KCTD8: variants seen among roughly 807,000 people sequenced by gnomAD.
The protein encoded by KCTD8 is potassium channel tetramerization domain containing 8.
Under a neutral mutation model 31.5 loss-of-function variants are expected in KCTD8, and 27 were observed. The observed-to-expected ratio is 0.86, with a 90% CI of 0.63 to 1.18. KCTD8 has a LOEUF of 1.18. Among genes scored for constraint, KCTD8 ranks in the 50% most tolerant of loss-of-function variants. The pLI is 0.00. For missense variants in KCTD8, 658 were observed against 647.7 expected (o/e 1.02, Z -0.17); for synonymous variants, 290 against 280.0 (o/e 1.04, Z -0.36).
chr4:44,217,894 C>T (rs1714694588), intron 1 of KCTD8, among the ~76,000 whole-genome samples: 2 of 152,034 alleles, frequency 1.3e-5, no homozygotes, highest in African/African-American at 2.4e-5. Context: ...GGCTTTTGGA[C>T]TCATTATGAG....
At chr4:44,327,836 A>G (rs1043688767) in intron 1 of KCTD8, among the ~76,000 whole-genome samples, 1 of 151,828 alleles carries the variant, frequency 6.6e-6, no homozygotes, top group Non-Finnish European at 1.5e-5. Flanking sequence ...GTGAAAGTTT[A>G]ATCTATCATT....
chr4:44,285,407 G>A (rs546379634), intron 1 of KCTD8, among the ~76,000 whole-genome samples: 36 of 152,164 alleles, frequency 2.4e-4, no homozygotes, highest in African/African-American at 8.4e-4. Flanking sequence ...TCACTCATAA[G>A]TGGGAGTCGA....
chr4:44,412,383 C>CT (rs1457703332), intron 1 of KCTD8, among the ~76,000 whole-genome samples: 1 of 152,162 alleles, frequency 6.6e-6, no homozygotes, highest in African/African-American at 2.4e-5. Flanking sequence ...TTTGTTGACT[C>CT]TTTGAGTTAT....
At chr4:44,206,758 G>A (rs1021141519) in intron 1 of KCTD8, among the ~76,000 whole-genome samples, 2 of 152,038 alleles carry the variant, frequency 1.3e-5, no homozygotes, top group Non-Finnish European at 2.9e-5. Context: ...GTTTTGACTT[G>A]GGCTTAACCA....
chr4:44,190,149 A>C (rs1005315037), intron 1 of KCTD8, among the ~76,000 whole-genome samples: 1 of 152,196 alleles, frequency 6.6e-6, no homozygotes, highest in African/African-American at 2.4e-5. Flanking sequence ...GCAACATTGC[A>C]CTGAAACATA....
At chr4:44,294,775 T>C (rs1717381665) in intron 1 of KCTD8, among the ~76,000 whole-genome samples, 1 of 152,168 alleles carries the variant, frequency 6.6e-6, no homozygotes, top group Non-Finnish European at 1.5e-5. Context: ...TAAGTGAATA[T>C]TATGCAGAGC....
At chr4:44,397,048 C>G (rs1429007460) in intron 1 of KCTD8, among the ~76,000 whole-genome samples, 1 of 152,106 alleles carries the variant, frequency 6.6e-6, no homozygotes, top group South Asian at 2.1e-4. Context: ...CTGGCTCCAT[C>G]TGGACCCTTT....
At chr4:44,376,482 T>C (rs1719919743) in intron 1 of KCTD8, among the ~76,000 whole-genome samples, 1 of 152,192 alleles carries the variant, frequency 6.6e-6, no homozygotes, top group Non-Finnish European at 1.5e-5. Context: ...GAACTTCATT[T>C]ATAAAGTTTA....
At chr4:44,185,831 T>C (rs908564086) in intron 1 of KCTD8, among the ~76,000 whole-genome samples, 1 of 152,050 alleles carries the variant, frequency 6.6e-6, no homozygotes, top group African/African-American at 2.4e-5. Flanking sequence ...AATGGTTATT[T>C]CTGTACTCAG....
intron 1 of KCTD8, among the ~76,000 whole-genome samples, chr4:44,268,501 T>G (rs1202756716): frequency 1.3e-5 from 2 of 152,150 alleles, no homozygotes; most frequent in Non-Finnish European, 2.9e-5. Flanking sequence ...GGATGCCCTC[T>G]CTCACCACTC....
At chr4:44,321,540 T>C (rs910129953) in intron 1 of KCTD8, among the ~76,000 whole-genome samples, 1 of 152,192 alleles carries the variant, frequency 6.6e-6, no homozygotes, top group Non-Finnish European at 1.5e-5. Flanking sequence ...ATGTATACAA[T>C]GTATAATAAT....
chr4:44,390,676 T>G (rs1023485692), intron 1 of KCTD8, among the ~76,000 whole-genome samples: 2 of 151,768 alleles, frequency 1.3e-5, no homozygotes, highest in Non-Finnish European at 2.9e-5. Context: ...CTGCGAAGCA[T>G]AACGCGATAC....
At chr4:44,242,553 G>A (rs1434631378) in intron 1 of KCTD8, among the ~76,000 whole-genome samples, 3 of 152,028 alleles carry the variant, frequency 2.0e-5, no homozygotes, top group Non-Finnish European at 4.4e-5. Context: ...AGTCTGGACT[G>A]GGCGAAAGGG....
chr4:44,280,783 T>C (rs868497678), intron 1 of KCTD8, among the ~76,000 whole-genome samples: 1 of 152,082 alleles, frequency 6.6e-6, no homozygotes, highest in Admixed American at 6.6e-5. Context: ...TGCAACCCAC[T>C]ATTGAGATGG....
At chr4:44,371,641 A>T (rs1719789459) in intron 1 of KCTD8, among the ~76,000 whole-genome samples, 1 of 152,240 alleles carries the variant, frequency 6.6e-6, no homozygotes, top group African/African-American at 2.4e-5. Context: ...TCAATCCTAA[A>T]ACATACACAT....
chr4:44,249,501 T>G (rs990643933), intron 1 of KCTD8, among the ~76,000 whole-genome samples: 22 of 151,750 alleles, frequency 1.4e-4, no homozygotes, highest in Non-Finnish European at 2.8e-4. Context: ...GGCCATAAGG[T>G]CTCAGTCACA....
intron 1 of KCTD8, among the ~76,000 whole-genome samples, chr4:44,204,137 A>G (rs1714232775): frequency 6.6e-6 from 1 of 152,120 alleles, no homozygotes; most frequent in Non-Finnish European, 1.5e-5. Flanking sequence ...TTTGAATATA[A>G]TCTAATATCC....
At chr4:44,407,258 T>C (rs1490189533) in intron 1 of KCTD8, among the ~76,000 whole-genome samples, 1 of 152,192 alleles carries the variant, frequency 6.6e-6, no homozygotes, top group Non-Finnish European at 1.5e-5. Context: ...CCTATTTTAT[T>C]AATGTCTAGT....
intron 1 of KCTD8, among the ~76,000 whole-genome samples, chr4:44,268,115 C>G (rs1046732361): frequency 6.6e-6 from 1 of 152,170 alleles, no homozygotes; most frequent in Non-Finnish European, 1.5e-5. Flanking sequence ...GACCAATTTC[C>G]TTGATGAACA....
Sources: allele counts gnomAD v4.1 joint callset (sites outside exome capture counted in the v4.1 genomes callset), GRCh38; gene constraint gnomAD v4.1.1; transcripts MANE v1.5; gene names NCBI Gene and HGNC (gene_info 2026-07-23, HGNC 2026-07-21).